PIP5K1A: variants seen among roughly 807,000 people sequenced by gnomAD.
PIP5K1A encodes the protein phosphatidylinositol-4-phosphate 5-kinase type 1 alpha, also known as phosphatidylinositol 4-phosphate 5-kinase type-1 alpha.
A neutral mutation model predicts 72.9 loss-of-function variants in PIP5K1A; 46 were observed. The ratio of observed to expected loss-of-function variants is 0.63; its 90% CI spans 0.50 to 0.81. PIP5K1A has a LOEUF of 0.81. Ranked by LOEUF, PIP5K1A falls within the 30% of genes least tolerant of loss-of-function variation. PIP5K1A has a pLI of 0.00. For missense variants in PIP5K1A, 458 were observed against 706.1 expected (o/e 0.65, Z 3.98); for synonymous variants, 228 against 255.1 (o/e 0.89, Z 1.01).
At chr1:151,197,115 G>T (rs587769562), upstream of PIP5K1A, among the ~76,000 whole-genome samples, 2 of 151,728 alleles carry the variant, frequency 1.3e-5, no homozygotes, top group South Asian at 2.1e-4. Flanking sequence ...ACCTACCTCG[G>T]CCTCCCAAAG....
Position 151,215,353 on chromosome 1 carries a change from A to C in PIP5K1A, c.86-8892A>C, listed in dbSNP as rs149826217. On this transcript the variant is annotated intron_variant, in intron 1 of 15. Coordinates refer to ENST00000368888, the MANE Select transcript of PIP5K1A (RefSeq NM_001135638.2). ...GCACCCGGCCTTTTTTTTTTTTTGA[A>C]AAGGAGTCTCATTGTGTCATCCAGC... 5.1e-3 allele frequency among the ~76,000 whole-genome samples: 732 copies of C among 143,696 alleles called. 7 individuals carry two copies. The highest frequency in any genetic ancestry group is 0.018 in the African/African-American group (702 of 39,350). The allele number at this position is 143,696 out of a possible 152,430, so 94.3% of individuals were successfully genotyped here.
intron 1 of PIP5K1A, among the ~76,000 whole-genome samples, chr1:151,207,817 G>A (rs1473162741): frequency 6.6e-6 from 1 of 150,718 alleles, no homozygotes; most frequent in Non-Finnish European, 1.5e-5. Flanking sequence ...ACGGGCATGA[G>A]GCACCACACC....
At chr1:151,215,026 C>CTTT (rs981508990) in intron 1 of PIP5K1A, among the ~76,000 whole-genome samples, 12 of 115,052 alleles carry the variant, frequency 1.0e-4, no homozygotes, top group Non-Finnish European at 1.5e-4. Flanking sequence ...CCTGTGCATT[C>CTTT]TTTTTTTTTT....
chr1:151,198,107 T>C (rs1221593867), upstream of PIP5K1A: 1 of 470,914 alleles, frequency 2.1e-6, no homozygotes, highest in Non-Finnish European at 4.4e-6. Flanking sequence ...TCGAATGCCA[T>C]TCCGAGGAAG....
chr1:151,229,807 G>A (rs1343595754), intron 4 of PIP5K1A, among the ~76,000 whole-genome samples: 1 of 151,832 alleles, frequency 6.6e-6, no homozygotes, highest in Admixed American at 6.6e-5. Flanking sequence ...TTGTAGGCTG[G>A]GCATGGTGGC....
chr1:151,217,673 C>T (rs1384318167), intron 1 of PIP5K1A, among the ~76,000 whole-genome samples: 3 of 152,178 alleles, frequency 2.0e-5, no homozygotes, highest in Non-Finnish European at 4.4e-5. Flanking sequence ...CACTGACCTC[C>T]CAGGCCCAGG....
chr1:151,234,177 G>C lies in PIP5K1A; in HGVS notation c.640-20G>C, dbSNP rs757181131. 2.6e-6 allele frequency: 4 copies of C among 1,566,572 alleles called. No homozygotes were observed. The highest frequency in any genetic ancestry group is 3.5e-6 in the Non-Finnish European group (4 of 1,156,034). ...TCAGCTAAGTTGTTCTCCTACTTCT[G>C]TTTCCTTTTGTGTTCTCAGAACCTC... is the stretch of plus-strand genomic sequence containing the variant. On this transcript the variant is annotated intron_variant, in intron 7 of 15. Transcript: ENST00000368888.
intron 3 of PIP5K1A, 171 bp from the exon 4 acceptor site, chr1:151,227,149 G>A (rs1570910809): frequency 2.1e-6 from 1 of 474,106 alleles, no homozygotes; most frequent in East Asian, 3.3e-5. Context: ...AATTCATTGG[G>A]AACCAACATT....
Position 151,239,178 on chromosome 1 carries a change from A to T in PIP5K1A, c.1278A>T (p.Gly426=), listed in dbSNP as rs1558294971. 1 of 1,598,644 alleles carries T rather than the reference A, an allele frequency of 6.3e-7. No individual in the cohort carries two copies. Among genetic ancestry groups the T allele is most frequent in the Admixed American group, 1.7e-5 (1 of 59,934 alleles). Residue 426 remains glycine (G), a splice_region_variant and synonymous_variant, in exon 11 of 16, where the codon GGA becomes GGT. Coordinates refer to ENST00000368888, the MANE Select transcript of PIP5K1A (RefSeq NM_001135638.2). ...EHSWKALVHD[G]DTVSVHRPGF... ...CTTGGAAAGCCCTGGTACATGACGG[A>T]GTAAGTAGTAATACTAGAGGCTCTC...
upstream of PIP5K1A, chr1:151,198,157 A>G: frequency 2.1e-6 from 1 of 466,328 alleles, no homozygotes; most frequent in South Asian, 1.6e-5. Context: ...AGTAAACAAG[A>G]GTAGTAAAAC....
In PIP5K1A at chr1:151,234,211, C is replaced by T. The variant is rs1214011798; in HGVS notation, c.654C>T (p.Asn218=). 1 of 1,602,820 alleles carries T rather than the reference C, an allele frequency of 6.2e-7. No homozygotes were observed. Residue 218 remains asparagine (N), a synonymous_variant, in exon 8 of 16, where the codon AAC becomes AAT. Transcript: ENST00000368888. ...TGTGTTCTCAGAACCTCAACCAGAA[C>T]CCTCGGACTTTGCTGCCTAAATTCT... ...LPGYYMNLNQ[N]PRTLLPKFYG...
At chr1:151,208,016 G>A (rs943776054) in intron 1 of PIP5K1A, among the ~76,000 whole-genome samples, 1 of 151,756 alleles carries the variant, frequency 6.6e-6, no homozygotes, top group Non-Finnish European at 1.5e-5. Flanking sequence ...ATGCCACCAC[G>A]CCTGGCTAAT....
At chr1:151,222,998 G>A (rs994384707) in intron 1 of PIP5K1A, among the ~76,000 whole-genome samples, 1 of 151,306 alleles carries the variant, frequency 6.6e-6, no homozygotes, top group African/African-American at 2.4e-5. Flanking sequence ...GGTGGATCAC[G>A]AGGTCAGGAG....
At chr1:151,218,283 T>G (rs905909058) in intron 1 of PIP5K1A, among the ~76,000 whole-genome samples, 2 of 152,052 alleles carry the variant, frequency 1.3e-5, no homozygotes, top group African/African-American at 2.4e-5. Context: ...TTTTTGCAAA[T>G]GATGTTGATG....
intron 1 of PIP5K1A, among the ~76,000 whole-genome samples, chr1:151,215,545 C>T (rs1004882566): frequency 3.9e-5 from 6 of 152,072 alleles, no homozygotes; most frequent in African/African-American, 1.4e-4. Flanking sequence ...GGCCAGGAGG[C>T]TGGTCTTGTG....
At chr1:151,230,227 T>C (rs1689848031) in intron 4 of PIP5K1A, among the ~76,000 whole-genome samples, 1 of 152,236 alleles carries the variant, frequency 6.6e-6, no homozygotes, top group Non-Finnish European at 1.5e-5. Flanking sequence ...GTGATTGAAA[T>C]GTGCTGTATC....
intron 7 of PIP5K1A, 126 bp from the exon 8 acceptor site, chr1:151,234,071 A>T: frequency 1.4e-6 from 1 of 697,502 alleles, no homozygotes; most frequent in Non-Finnish European, 2.5e-6. Flanking sequence ...ATGTAGGTTT[A>T]TGGACACATT....
intron 1 of PIP5K1A, among the ~76,000 whole-genome samples, chr1:151,217,895 T>G (rs1687867908): frequency 1.3e-5 from 2 of 152,174 alleles, no homozygotes; most frequent in Admixed American, 1.3e-4. Context: ...TTCTCCTGCC[T>G]CAGACTCGCA....
chr1:151,246,937 T>C lies in PIP5K1A; in HGVS notation c.1658T>C (p.Leu553Pro). 1 of 1,613,524 alleles carries C rather than the reference T, an allele frequency of 6.2e-7. No individual in the cohort carries two copies. Among genetic ancestry groups the C allele is most frequent in the Non-Finnish European group, 8.5e-7 (1 of 1,179,548 alleles). ...MLTTSTTLEKLEVAESEFTH is the reference protein window; with the variant it reads ...MLTTSTTLEKPEVAESEFTH ...CCTGTTAGTACAACCTTGGAAAAGCTTGAAGTTGCAGAGTCAGAGTTCACC... is the reference window on the plus strand; with the variant it reads ...CCTGTTAGTACAACCTTGGAAAAGCCTGAAGTTGCAGAGTCAGAGTTCACC... The change falls in exon 15 of 16, where the codon CTT becomes CCT. Residue 553 changes from leucine (L) to proline (P), a missense_variant. Coordinates refer to ENST00000368888, the MANE Select transcript of PIP5K1A (RefSeq NM_001135638.2).
Sources: allele counts gnomAD v4.1 joint callset (sites outside exome capture counted in the v4.1 genomes callset), GRCh38; gene constraint gnomAD v4.1.1; transcripts MANE v1.5; gene names NCBI Gene and HGNC (gene_info 2026-07-23, HGNC 2026-07-21).